Variants in GEMIN8 observed in about 807,000 individuals in gnomAD.
The protein encoded by GEMIN8 is gem-associated protein 8.
For synonymous variants in GEMIN8, 80 were observed against 78.5 expected (o/e 1.02, Z -0.10); for missense variants, 185 against 205.9 (o/e 0.90, Z 0.62).
chrX:14,016,844 CAAA>C lies in GEMIN8; in HGVS notation c.472+3231_472+3233del, dbSNP rs1174566527. Reference sequence around the variant, plus strand: ...TGGGTGACAGAGTAAGAATCTGTCTCAAAAAAAAAAAAAAAAAAAAAAATATAT... The same window carrying C: ...TGGGTGACAGAGTAAGAATCTGTCTCAAAAAAAAAAAAAAAAAAAATATAT... On this transcript the variant is annotated intron_variant, in intron 4 of 4. Coordinates refer to ENST00000680255, the MANE Select transcript of GEMIN8 (RefSeq NM_001042479.2). Among the ~76,000 whole-genome samples the C allele has an allele frequency of 3.5e-3, 79 of 22,548 alleles. 1 individual carries two copies. The highest frequency in any genetic ancestry group is 0.012 in the African/African-American group (65 of 5,293). 19.6% of individuals were successfully genotyped at this position (22,548 alleles called of 115,157 possible). A position where few individuals can be genotyped will look rare whatever the true frequency, so the allele number is the denominator to read the frequency against.
chrX:13,993,100 C>T, the GEMIN8 span, among the ~76,000 whole-genome samples: 3 of 112,261 alleles, frequency 2.7e-5, no homozygotes, highest in African/African-American at 9.7e-5. Context: ...CATCAATTCG[C>T]ATTACTGTCA....
chrX:14,003,666 G>T (rs1028065978), downstream of GEMIN8, among the ~76,000 whole-genome samples: 2 of 111,921 alleles, frequency 1.8e-5, no homozygotes, highest in African/African-American at 6.5e-5. Context: ...TCTAGAATAT[G>T]CTGTTTTACT....
In GEMIN8 at chrX:14,029,804, G is replaced by C. The variant is rs1474105478; in HGVS notation, c.-143C>G. The C allele has an allele frequency of 8.8e-6, 1 of 113,361 alleles. No individual in the cohort carries two copies. The highest frequency in any genetic ancestry group is 1.9e-5 in the Non-Finnish European group (1 of 53,388). The allele number at this position is 113,361 out of a possible 1,213,427, so 9.3% of individuals were successfully genotyped here. ...CGTGGGCGCGCAGCTTGCGGATCCT[G>C]GGCGTTGGCCGCGCAGGGGCCTAGT... On this transcript the variant is annotated 5_prime_UTR_variant, in exon 1 of 5. Transcript: ENST00000680255.
chrX:14,016,844 CAAAAA>C lies in GEMIN8; in HGVS notation c.472+3229_472+3233del, dbSNP rs1174566527. Reference sequence around the variant, plus strand: ...TGGGTGACAGAGTAAGAATCTGTCTCAAAAAAAAAAAAAAAAAAAAAAATATATAT... The same window carrying C: ...TGGGTGACAGAGTAAGAATCTGTCTCAAAAAAAAAAAAAAAAAATATATAT... On this transcript the variant is annotated intron_variant, in intron 4 of 4. Transcript: ENST00000680255. 2.7e-3 allele frequency among the ~76,000 whole-genome samples: 62 copies of C among 22,562 alleles called. No individual in the cohort carries two copies. The East Asian group carries it at 0.049, about 18-fold the overall frequency. The allele number at this position is 22,562 out of a possible 115,157, so 19.6% of individuals were successfully genotyped here.
the GEMIN8 span, among the ~76,000 whole-genome samples, chrX:13,991,392 G>A: frequency 1.3e-4 from 15 of 112,054 alleles, no homozygotes; most frequent in African/African-American, 4.2e-4. Flanking sequence ...GCAGATGGCA[G>A]CTGTCTCTGA....
At position 14,008,522 on chromosome X, in the gene GEMIN8, G is replaced by C. The variant is rs1164932644; in HGVS notation, c.*391C>G. ...TTTAGTGGGGGCTAATGGAGCTAGA[G>C]TCAGAGAGGATATCTGGTTTTTTAA... On this transcript the variant is annotated 3_prime_UTR_variant, in exon 5 of 5. Coordinates refer to ENST00000680255, the MANE Select transcript of GEMIN8 (RefSeq NM_001042479.2). 1.3e-5 allele frequency: 2 copies of C among 149,036 alleles called. No individual in the cohort carries two copies. Among genetic ancestry groups the C allele is most frequent in the African/African-American group, 6.3e-5 (2 of 31,726 alleles). 12.3% of individuals were successfully genotyped at this position (149,036 alleles called of 1,213,427 possible). A position where few individuals can be genotyped will look rare whatever the true frequency, so the allele number is the denominator to read the frequency against.
At chrX:14,001,450 G>C in the GEMIN8 span, among the ~76,000 whole-genome samples, 2 of 112,191 alleles carry the variant, frequency 1.8e-5, no homozygotes, top group Admixed American at 1.9e-4. Flanking sequence ...ATTTGTCCAA[G>C]TTAGGACACA....
chrX:13,991,337 T>C, the GEMIN8 span, among the ~76,000 whole-genome samples: 2 of 111,885 alleles, frequency 1.8e-5, no homozygotes, highest in African/African-American at 6.5e-5. Context: ...GATTAGACAA[T>C]AGAGCATACA....
Position 14,007,221 on chromosome X carries a change from C to T in GEMIN8, c.*1692G>A, listed in dbSNP as rs972358662. 3.6e-5 allele frequency among the ~76,000 whole-genome samples: 4 copies of T among 111,704 alleles called. No homozygotes were observed. Among genetic ancestry groups the T allele is most frequent in the Non-Finnish European group, 1.9e-5 (1 of 53,126 alleles). On this transcript the variant is annotated 3_prime_UTR_variant, in exon 5 of 5. Transcript: ENST00000680255. ...GCACCCAGGGCTGATGAAAATAATGCATTTGTCTCAGGGCAGGGGCTGAAT... is the reference window on the plus strand; with the variant it reads ...GCACCCAGGGCTGATGAAAATAATGTATTTGTCTCAGGGCAGGGGCTGAAT...
In GEMIN8 at chrX:14,014,901, G is replaced by A. The variant is rs958189221; in HGVS notation, c.472+5177C>T. On this transcript the variant is annotated intron_variant, in intron 4 of 4. Coordinates refer to ENST00000680255, the MANE Select transcript of GEMIN8 (RefSeq NM_001042479.2). ...TGACCCTATCCCTCAAATTGGCCTA[G>A]TGCATACCTTACTTCTTGACAGCTG... Among the ~76,000 whole-genome samples the A allele has an allele frequency of 8.1e-5, 9 of 111,430 alleles. No homozygotes were observed. In the Admixed American group the frequency reaches 8.6e-4, roughly 11 times the overall value.
At chrX:13,990,917 A>G in the GEMIN8 span, among the ~76,000 whole-genome samples, 2 of 111,921 alleles carry the variant, frequency 1.8e-5, no homozygotes, top group African/African-American at 6.5e-5. Context: ...TCTTTTGTAG[A>G]GACGTGGTCT....
downstream of GEMIN8, among the ~76,000 whole-genome samples, chrX:14,004,980 G>T (rs762881126): frequency 7.1e-5 from 8 of 111,933 alleles, no homozygotes; most frequent in South Asian, 3.8e-4. Flanking sequence ...CAATAGGCTT[G>T]TAAGTGGTCT....
At chrX:14,019,841 G>A (rs758952665) in intron 4 of GEMIN8, among the ~76,000 whole-genome samples, 30 of 110,705 alleles carry the variant, frequency 2.7e-4, no homozygotes, top group African/African-American at 8.9e-4. Context: ...ATAAATAGTA[G>A]AACTACTATT....
At chrX:13,996,664 C>T in the GEMIN8 span, among the ~76,000 whole-genome samples, 56 of 111,830 alleles carry the variant, frequency 5.0e-4, 1 homozygote, top group Non-Finnish European at 9.2e-4. Flanking sequence ...ATCCTATACT[C>T]TAAGCAGTAA....
intron 1 of GEMIN8, 135 bp from the exon 2 acceptor site, chrX:14,026,356 A>G: frequency 1.3e-6 from 1 of 746,687 alleles, no homozygotes; most frequent in Non-Finnish European, 1.6e-6. Flanking sequence ...GAGACCATTC[A>G]TTGTCTGTCC....
chrX:14,020,094 C>T lies in GEMIN8; in HGVS notation c.456G>A (p.Arg152=), dbSNP rs1452261855. The T allele has an allele frequency of 8.4e-7, 1 of 1,190,437 alleles. No homozygotes were observed. Among genetic ancestry groups the T allele is most frequent in the Non-Finnish European group, 1.1e-6 (1 of 877,493 alleles). ...ELRQYFAETE[R]HREERRRQQQ... is the part of the protein sequence containing the mutation. ...TGAACTTACGTCGTTCTTCTCTATGCCTCTCGGTCTCTGCAAAGTACTGGC... is the reference window on the plus strand; with the variant it reads ...TGAACTTACGTCGTTCTTCTCTATGTCTCTCGGTCTCTGCAAAGTACTGGC... The change falls in exon 4 of 5, where the codon AGG becomes AGA. Residue 152 remains arginine, a synonymous_variant. Transcript: ENST00000680255.
At chrX:13,999,316 G>A in the GEMIN8 span, among the ~76,000 whole-genome samples, 5 of 70,989 alleles carry the variant, frequency 7.0e-5, no homozygotes, top group Non-Finnish European at 1.3e-4. Context: ...TACTTTTGTT[G>A]CCCAGGCTGG....
chrX:14,023,607 G>C (rs1204174174), intron 2 of GEMIN8, among the ~76,000 whole-genome samples: 1 of 111,571 alleles, frequency 9.0e-6, no homozygotes, highest in Non-Finnish European at 1.9e-5. Context: ...CGAAACTCCT[G>C]ACCTCATGAT....
At chrX:14,006,620 C>T (rs1185751353), downstream of GEMIN8, among the ~76,000 whole-genome samples, 1 of 111,559 alleles carries the variant, frequency 9.0e-6, no homozygotes, top group African/African-American at 3.3e-5. Flanking sequence ...GTCCAGAAGC[C>T]AGCGCATCCA....
Sources: gnomAD v4.1 joint callset for allele counts (sites outside exome capture counted in the v4.1 genomes callset) on GRCh38, gnomAD v4.1.1 for gene constraint, MANE v1.5 for transcripts, NCBI Gene and HGNC (gene_info 2026-07-23, HGNC 2026-07-21) for gene names.